ASAP3: variants seen among roughly 807,000 people sequenced by gnomAD.
The protein encoded by ASAP3 is arf-GAP with SH3 domain, ANK repeat and PH domain-containing protein 3.
ASAP3 carries 85 observed loss-of-function variants against 118.2 expected under a neutral mutation model. The ratio of observed to expected loss-of-function variants is 0.72; its 90% CI spans 0.60 to 0.86. The LOEUF is 0.86. Among genes scored for constraint, ASAP3 ranks in the 40% least tolerant of loss-of-function variants. The pLI, the probability that ASAP3 is intolerant of heterozygous loss-of-function variation, is 0.00. For synonymous variants in ASAP3, 432 were observed against 477.4 expected (o/e 0.90, Z 1.24); for missense variants, 1,026 against 1,175.0 (o/e 0.87, Z 1.85).
At chr1:23,446,974 G>A (rs970472673) in intron 5 of ASAP3, among the ~76,000 whole-genome samples, 3 of 152,190 alleles carry the variant, frequency 2.0e-5, no homozygotes, top group East Asian at 1.9e-4. Flanking sequence ...CAGATCATCA[G>A]GCTTAGATTC....
intron 1 of ASAP3, chr1:23,480,279 T>A (rs1642266958): frequency 6.6e-6 from 1 of 152,210 alleles, no homozygotes; most frequent in Admixed American, 6.5e-5. Flanking sequence ...GACTGCTTCA[T>A]CTGAGACCTA....
chr1:23,480,595 G>C (rs1642275547), intron 1 of ASAP3, among the ~76,000 whole-genome samples: 1 of 152,160 alleles, frequency 6.6e-6, no homozygotes, highest in Admixed American at 6.5e-5. Context: ...GGTTCTTACT[G>C]ATCTCCCTGT....
rs35344912 is a variant in ASAP3, at chr1:23,440,500, C to CAAAAAAAAA, written c.944+593_944+601dup. Among the ~76,000 whole-genome samples the CAAAAAAAAA allele has an allele frequency of 7.4e-4, 18 of 24,318 alleles. 1 individual carries two copies. The highest frequency in any genetic ancestry group is 3.5e-3 in the African/African-American group (17 of 4,838). 16.0% of individuals were successfully genotyped at this position (24,318 alleles called of 152,430 possible). On this transcript the variant is annotated intron_variant, in intron 10 of 24. Transcript: ENST00000336689. ...TGGGTGACGGAGGGAGACTCCATCTCAAAAAAAAAAAAAAAAAAAAAAAAA... is the reference window on the plus strand; with the variant it reads ...TGGGTGACGGAGGGAGACTCCATCTCAAAAAAAAAAAAAAAAAAAAAAAAAAAAAAAAAA...
chr1:23,460,318 C>A (rs1205607624), intron 1 of ASAP3, among the ~76,000 whole-genome samples: 1 of 151,956 alleles, frequency 6.6e-6, no homozygotes, highest in African/African-American at 2.4e-5. Context: ...ACCAGCCTGG[C>A]AAACATGGTG....
chr1:23,460,549 A>C (rs556166362), intron 1 of ASAP3, among the ~76,000 whole-genome samples: 1 of 151,470 alleles, frequency 6.6e-6, no homozygotes, highest in Admixed American at 6.6e-5. Flanking sequence ...ACACACACAC[A>C]CAAATAAATA....
rs925786045 is a variant in ASAP3, at chr1:23,434,109, G to A, written c.1951+145C>T. The A allele has an allele frequency of 4.1e-6, 3 of 740,618 alleles. No individual in the cohort carries two copies. The African/African-American group carries it at 5.3e-5, about 13-fold the overall frequency. 45.9% of individuals were successfully genotyped at this position (740,618 alleles called of 1,614,324 possible). On this transcript the variant is annotated intron_variant, in intron 19 of 24. Transcript: ENST00000336689. The stretch of plus-strand genomic sequence containing the variant: ...TTATTCCCATTTTACAGATGAGGAA[G>A]CTGAAATTCAAGAGCTGAATGACAA...
chr1:23,470,525 C>T (rs1350668720), intron 1 of ASAP3, among the ~76,000 whole-genome samples: 5 of 152,254 alleles, frequency 3.3e-5, no homozygotes, highest in Admixed American at 6.5e-5. Flanking sequence ...GCCCCTGTCT[C>T]GCGGTGTGAC....
At chr1:23,479,318 C>T (rs1642234578) in intron 1 of ASAP3, among the ~76,000 whole-genome samples, 1 of 152,090 alleles carries the variant, frequency 6.6e-6, no homozygotes, top group Non-Finnish European at 1.5e-5. Flanking sequence ...AAGCAGCTGC[C>T]TTAGTTCCTG....
At chr1:23,473,800 G>C (rs1468300482) in intron 1 of ASAP3, among the ~76,000 whole-genome samples, 1 of 151,900 alleles carries the variant, frequency 6.6e-6, no homozygotes, top group Non-Finnish European at 1.5e-5. Flanking sequence ...TGTTGGTAGG[G>C]AGGAGGCTGG....
intron 1 of ASAP3, among the ~76,000 whole-genome samples, chr1:23,464,200 T>C (rs911448460): frequency 2.6e-5 from 4 of 151,592 alleles, no homozygotes; most frequent in Non-Finnish European, 4.4e-5. Flanking sequence ...AAAATTTTTT[T>C]TTTTGAGACA....
At chr1:23,461,917 T>C (rs904939471) in intron 1 of ASAP3, among the ~76,000 whole-genome samples, 5 of 152,190 alleles carry the variant, frequency 3.3e-5, no homozygotes, top group African/African-American at 9.6e-5. Flanking sequence ...AAGAGAAATC[T>C]CTTATTTGAG....
intron 5 of ASAP3, among the ~76,000 whole-genome samples, chr1:23,445,273 T>C (rs1392227016): frequency 2.6e-5 from 4 of 152,150 alleles, no homozygotes; most frequent in Non-Finnish European, 4.4e-5. Context: ...GAGGATTGCT[T>C]GAGCCCAGAA....
At chr1:23,455,557 C>G (rs1444032430) in intron 3 of ASAP3, among the ~76,000 whole-genome samples, 1 of 152,156 alleles carries the variant, frequency 6.6e-6, no homozygotes, top group Non-Finnish European at 1.5e-5. Flanking sequence ...AAGGTAGGAA[C>G]CCCCGAGCCT....
At chr1:23,475,472 A>T (rs968280) in intron 1 of ASAP3, among the ~76,000 whole-genome samples, 99,190 of 152,082 alleles carry the variant, frequency 0.65, 36,872 homozygotes, top group Non-Finnish European at 0.82. Flanking sequence ...TGCTTGCCAT[A>T]AAAAGCCTAA....
At position 23,437,132 on chromosome 1, in the gene ASAP3, G is replaced by C; in HGVS notation, c.1340C>G (p.Ala447Gly). 6.2e-7 allele frequency: 1 copy of C among 1,603,478 alleles called. No individual in the cohort carries two copies. Among genetic ancestry groups the C allele is most frequent in the Non-Finnish European group, 8.5e-7 (1 of 1,174,698 alleles). The change falls in exon 14 of 25, where the codon GCA becomes GGA. Residue 447 changes from alanine (A) to glycine (G), a missense_variant and splice_region_variant. Physicochemically the swap from Ala to Gly is moderately conservative, Grantham distance 60. Coordinates refer to ENST00000336689, the MANE Select transcript of ASAP3 (RefSeq NM_017707.4). This position sits in a 1 kb window ranked among gnomAD's most constrained non-coding sequence, Gnocchi z 6.1. ...GNSQCCDCGA[A>G]DPTWLSTNLG... is the part of the protein sequence containing the mutation. ...CTGCCCCGGCCCCGGGGACCGACCT[G>C]CAGCCCCGCAGTCGCAGCACTGGCT...
At position 23,434,612 on chromosome 1, in the gene ASAP3, C is replaced by T; in HGVS notation, c.1756G>A (p.Glu586Lys). Reference sequence around the variant, plus strand: ...ACAGCCAAATGCAAGACGAGTTCTTCAGGTGCCTGAAAACACATCCACACC... The same window carrying T: ...ACAGCCAAATGCAAGACGAGTTCTTTAGGTGCCTGAAAACACATCCACACC... ...PLPGPDAQAP[E>K]ELVLHLAVKV... is the part of the protein sequence containing the mutation. Residue 586 changes from glutamate (E) to lysine (K), a missense_variant, in exon 18 of 25, where the codon GAA (glutamate) becomes AAA (lysine). Coordinates refer to ENST00000336689, the MANE Select transcript of ASAP3 (RefSeq NM_017707.4). The T allele has an allele frequency of 6.2e-7, 1 of 1,614,026 alleles. No individual in the cohort carries two copies. The highest frequency in any genetic ancestry group is 1.1e-5 in the South Asian group (1 of 91,068).
At chr1:23,463,840 C>T (rs1336003633) in intron 1 of ASAP3, among the ~76,000 whole-genome samples, 1 of 152,028 alleles carries the variant, frequency 6.6e-6, no homozygotes, top group African/African-American at 2.4e-5. Context: ...CCTCGTGATC[C>T]GCCTGCCTCG....
chr1:23,464,551 T>C (rs1164526217), intron 1 of ASAP3, among the ~76,000 whole-genome samples: 1 of 150,472 alleles, frequency 6.6e-6, no homozygotes, highest in Admixed American at 6.7e-5. Context: ...TCCCAGCTAT[T>C]TGGGAGGCTG....
chr1:23,445,648 T>C (rs534182237), intron 5 of ASAP3, among the ~76,000 whole-genome samples: 2 of 152,298 alleles, frequency 1.3e-5, no homozygotes, highest in South Asian at 4.1e-4. Context: ...AATAATAGTA[T>C]GGCGATATAT....
Sources: allele counts gnomAD v4.1 joint callset (sites outside exome capture counted in the v4.1 genomes callset), GRCh38; gene constraint gnomAD v4.1.1; non-coding constraint Gnocchi (gnomAD v3.1); transcripts MANE v1.5; gene names NCBI Gene and HGNC (gene_info 2026-07-23, HGNC 2026-07-21).